Variants in TMBIM1 observed in about 807,000 individuals in gnomAD.
TMBIM1 encodes the protein transmembrane BAX inhibitor motif containing 1.
Under a neutral mutation model 45.1 loss-of-function variants are expected in TMBIM1, and 34 were observed. The observed-to-expected ratio is 0.75, with a 90% CI of 0.57 to 1.00. The LOEUF (loss-of-function observed/expected upper bound fraction) is 1.00, where lower values mean the gene tolerates loss of function less well. Ranked by LOEUF, TMBIM1 falls within the 50% of genes least tolerant of loss-of-function variation. TMBIM1 has a pLI of 0.00. For missense variants in TMBIM1, 374 were observed against 402.4 expected (o/e 0.93, Z 0.60); for synonymous variants, 157 against 153.5 (o/e 1.02, Z -0.17).
chr2:218,277,771 C>G, intron 7 of TMBIM1, 101 bp from the exon 8 acceptor site: 3 of 1,557,014 alleles, frequency 1.9e-6, no homozygotes, highest in Non-Finnish European at 2.7e-6. Context: ...TGGGGAACGC[C>G]ACCAAGTTGG....
In TMBIM1 at chr2:218,281,981, G is replaced by C. The variant is rs377014319; in HGVS notation, c.161C>G (p.Pro54Arg). 4.4e-6 allele frequency: 7 copies of C among 1,606,236 alleles called. No individual in the cohort carries two copies. The highest frequency in any genetic ancestry group is 5.9e-6 in the Non-Finnish European group (7 of 1,177,460). The change falls in exon 2 of 12, where the codon CCA (proline) becomes CGA (arginine). Residue 54 changes from proline to arginine, a missense_variant. Physicochemically the swap from Pro to Arg is moderately radical, Grantham distance 103. Transcript: ENST00000258412. ...CGGGTGGGTGGGGGGCATGGGCTGT[G>C]GGTAGCCAGCAGGGTGACCGTAGCC... is the stretch of plus-strand genomic sequence containing the variant. Reference protein sequence around the residue: ...QPGYGHPAGYPQPMPPTHPMP... With the variant: ...QPGYGHPAGYRQPMPPTHPMP...
In TMBIM1 at chr2:218,277,925, C is replaced by G. The variant is rs771863784; in HGVS notation, c.513+10G>C. The G allele has an allele frequency of 6.2e-7, 1 of 1,614,146 alleles. No individual in the cohort carries two copies. Among genetic ancestry groups the G allele is most frequent in the South Asian group, 1.1e-5 (1 of 91,068 alleles). ...ATCTCCACACCCTCCTGCCACCCTT[C>G]TAGACTTACAAAAAGGGTCAGCAGA... On this transcript the variant is annotated intron_variant, in intron 7 of 11. Coordinates refer to ENST00000258412, the MANE Select transcript of TMBIM1 (RefSeq NM_022152.6).
At chr2:218,289,011 T>C (rs1692739316) in intron 1 of TMBIM1, among the ~76,000 whole-genome samples, 1 of 151,738 alleles carries the variant, frequency 6.6e-6, no homozygotes, top group Non-Finnish European at 1.5e-5. Flanking sequence ...CAGAGATGAG[T>C]TTAAGCATAG....
At position 218,276,028 on chromosome 2, in the gene TMBIM1, G is replaced by C. The variant is rs1438360332; in HGVS notation, c.787C>G (p.Leu263Val). 6.2e-7 allele frequency: 1 copy of C among 1,612,068 alleles called. No homozygotes were observed. The highest frequency in any genetic ancestry group is 1.1e-5 in the South Asian group (1 of 90,402). ...CCTAGAGTGGGGCTGGGACTTACCA[G>C]GGTGAAACAAATGGCCCCCAGAGCA... ...YAALGAICFT[L>V]FLAYDTQLVL... The change falls in exon 11 of 12, where the codon CTG becomes GTG. Residue 263 changes from leucine to valine, a missense_variant and splice_region_variant. Transcript: ENST00000258412.
chr2:218,277,106 G>C lies in TMBIM1; in HGVS notation c.640-7C>G, dbSNP rs1479938424. The C allele has an allele frequency of 6.2e-7, 1 of 1,613,570 alleles. No homozygotes were observed. Among genetic ancestry groups the C allele is most frequent in the Admixed American group, 1.7e-5 (1 of 59,996 alleles). ...TGCACGAGGTGAAGTCCACCTGCCA[G>C]GAAGCAAGAAAGAGGCACCTGTCAG... On this transcript the variant is annotated splice_polypyrimidine_tract_variant and splice_region_variant and intron_variant, in intron 9 of 11. Coordinates refer to ENST00000258412, the MANE Select transcript of TMBIM1 (RefSeq NM_022152.6).
At chr2:218,282,271 C>G in intron 1 of TMBIM1, 90 bp from the exon 2 acceptor site, 1 of 746,776 alleles carries the variant, frequency 1.3e-6, no homozygotes, top group Non-Finnish European at 2.0e-6. Flanking sequence ...TCCAGGCTGC[C>G]TCCGTGGAGA....
At position 218,275,567 on chromosome 2, in the gene TMBIM1, G is replaced by T; in HGVS notation, c.844C>A (p.Pro282Thr). The change falls in exon 12 of 12, where the codon CCC becomes ACC. Residue 282 changes from proline to threonine, a missense_variant. Coordinates refer to ENST00000258412, the MANE Select transcript of TMBIM1 (RefSeq NM_022152.6). Reference protein sequence around the residue: ...VLGNRKHTISPEDYITGALQI... With the variant: ...VLGNRKHTISTEDYITGALQI... Reference sequence around the variant, plus strand: ...AGGGCGCCAGTGATGTAGTCCTCGGGGCTGATGGTGTGCTTCCGGTTCCCC... The same window carrying T: ...AGGGCGCCAGTGATGTAGTCCTCGGTGCTGATGGTGTGCTTCCGGTTCCCC... The T allele has an allele frequency of 6.2e-7, 1 of 1,614,052 alleles. No individual in the cohort carries two copies. The highest frequency in any genetic ancestry group is 8.5e-7 in the Non-Finnish European group (1 of 1,179,996).
At chr2:218,278,466 A>G (rs557914676) in intron 6 of TMBIM1, 49 bp downstream of exon 6, 9 of 1,585,074 alleles carry the variant, frequency 5.7e-6, no homozygotes, top group Admixed American at 5.0e-5. Context: ...CTCGGCCCCC[A>G]TCCCAATCCC....
Position 218,277,457 on chromosome 2 carries a change from G to T in TMBIM1, c.552-4C>A, listed in dbSNP as rs760240761. On this transcript the variant is annotated splice_region_variant and splice_polypyrimidine_tract_variant and intron_variant, in intron 8 of 11. Transcript: ENST00000258412. ...GACGGCTTTGGTTTGGTACATACTG[G>T]GGAGAAGCAGGAGTTACAGACAAGA... is the stretch of plus-strand genomic sequence containing the variant. The T allele has an allele frequency of 6.2e-7, 1 of 1,614,038 alleles. No individual in the cohort carries two copies. The highest frequency in any genetic ancestry group is 8.5e-7 in the Non-Finnish European group (1 of 1,179,938).
intron 10 of TMBIM1, among the ~76,000 whole-genome samples, 171 bp from the exon 11 acceptor site, chr2:218,276,250 T>C (rs1691200920): frequency 2.6e-5 from 4 of 152,114 alleles, no homozygotes; most frequent in Non-Finnish European, 4.4e-5. Context: ...ACTGGTGATA[T>C]ATCCAGCAGA....
intron 2 of TMBIM1, chr2:218,280,341 G>T (rs78376547): frequency 2.8e-5 from 14 of 505,772 alleles, no homozygotes; most frequent in Non-Finnish European, 5.0e-5. Context: ...CGTTCCTCAC[G>T]TGCATCTGTG....
chr2:218,276,032 G>C lies in TMBIM1; in HGVS notation c.783C>G (p.Phe261Leu). Residue 261 changes from phenylalanine to leucine, a missense_variant, in exon 11 of 12, where the codon TTC (phenylalanine) becomes TTG (leucine). Physicochemically the swap from Phe to Leu is conservative, Grantham distance 22. Transcript: ENST00000258412. ...MLYAALGAIC[F>L]TLFLAYDTQL... ...GAGTGGGGCTGGGACTTACCAGGGTGAAACAAATGGCCCCCAGAGCAGCAT... is the reference window on the plus strand; with the variant it reads ...GAGTGGGGCTGGGACTTACCAGGGTCAAACAAATGGCCCCCAGAGCAGCAT... The C allele has an allele frequency of 6.2e-7, 1 of 1,612,408 alleles. No homozygotes were observed. The highest frequency in any genetic ancestry group is 8.5e-7 in the Non-Finnish European group (1 of 1,179,312).
intron 7 of TMBIM1, 103 bp from the exon 8 acceptor site, chr2:218,277,773 C>A (rs1691386108): frequency 6.4e-7 from 1 of 1,556,440 alleles, no homozygotes; most frequent in Non-Finnish European, 8.8e-7. Context: ...GGGAACGCCA[C>A]CAAGTTGGAA....
chr2:218,277,116 A>C lies in TMBIM1; in HGVS notation c.640-17T>G, dbSNP rs781617183. 1.2e-5 allele frequency: 19 copies of C among 1,609,806 alleles called. No individual in the cohort carries two copies. Among genetic ancestry groups the C allele is most frequent in the Non-Finnish European group, 1.6e-5 (19 of 1,176,358 alleles). ...GAAGTCCACCTGCCAGGAAGCAAGA[A>C]AGAGGCACCTGTCAGATGGCTGTGA... On this transcript the variant is annotated splice_polypyrimidine_tract_variant and intron_variant, in intron 9 of 11. Coordinates refer to ENST00000258412, the MANE Select transcript of TMBIM1 (RefSeq NM_022152.6).
intron 3 of TMBIM1, 114 bp from the exon 4 acceptor site, chr2:218,279,467 G>T: frequency 1.1e-6 from 1 of 914,630 alleles, no homozygotes. Flanking sequence ...GCTGCAGCCT[G>T]GCCCAGAGGC....
chr2:218,277,796 A>G (rs1321794951), intron 7 of TMBIM1, 126 bp from the exon 8 acceptor site: 1 of 1,539,572 alleles, frequency 6.5e-7, no homozygotes, highest in African/African-American at 1.4e-5. Flanking sequence ...AGGCAGCCAC[A>G]GAGGAGATCA....
At chr2:218,280,274 T>C in intron 2 of TMBIM1, 148 bp from the exon 3 acceptor site, 1 of 641,882 alleles carries the variant, frequency 1.6e-6, no homozygotes, top group Non-Finnish European at 2.8e-6. Flanking sequence ...TGGGGTCTTC[T>C]AGACACCCTC....
At chr2:218,285,138 G>A (rs988482459) in intron 1 of TMBIM1, among the ~76,000 whole-genome samples, 2 of 152,092 alleles carry the variant, frequency 1.3e-5, no homozygotes, top group African/African-American at 2.4e-5. Context: ...AATGAAACCC[G>A]ACCCCTGATC....
intron 6 of TMBIM1, 122 bp downstream of exon 6, chr2:218,278,393 C>CTCCTCCTCATTTCTTGTAAGTT (rs1233110905): frequency 1.9e-6 from 2 of 1,028,942 alleles, no homozygotes; most frequent in Admixed American, 1.8e-5. Context: ...CATCGTCATC[C>CTCCTCCTCATTTCTTGTAAGTT]TCCTCCTCAT....
Sources: gnomAD v4.1 joint callset for allele counts (sites outside exome capture counted in the v4.1 genomes callset) on GRCh38, gnomAD v4.1.1 for gene constraint, MANE v1.5 for transcripts, NCBI Gene and HGNC (gene_info 2026-07-23, HGNC 2026-07-21) for gene names.